The following VWA8 variants were observed in gnomAD, a reference collection of about 807,000 sequenced individuals.
The protein encoded by VWA8 is von Willebrand factor A domain-containing protein 8.
VWA8 carries 221 observed loss-of-function variants against 241.5 expected under a neutral mutation model. That is an observed-to-expected ratio of 0.91 (90% CI 0.82 to 1.02). VWA8 has a LOEUF of 1.02. VWA8 is among the 50% of genes least tolerant of loss of function. The pLI is 0.00. For missense variants in VWA8, 2,322 were observed against 2,328.7 expected (o/e 1.00, Z 0.06); for synonymous variants, 852 against 827.1 (o/e 1.03, Z -0.52).
rs2045233225 is a variant in VWA8 at position 41,699,134 on chromosome 13, AG to A, written c.3500del (p.Pro1167LeufsTer3). The A allele has an allele frequency of 1.4e-5, 22 of 1,614,024 alleles. No individual in the cohort carries two copies. The East Asian group carries it at 4.9e-4, about 36-fold the overall frequency. ...FPRTANGVWH[P>X]FVTVAPLGSP... ...TTCCCAGCGGTGCCACTGTCACAAAAGGGTGCCAAACGCCATTGGCTGTTCT... is the reference window on the plus strand; with the variant it reads ...TTCCCAGCGGTGCCACTGTCACAAAAGGTGCCAAACGCCATTGGCTGTTCT... On this transcript the variant is annotated frameshift_variant, in exon 29 of 45. Transcript: ENST00000379310. LOFTEE classifies it high-confidence loss of function.
chr13:41,951,412 G>A (rs919802507), intron 1 of VWA8, among the ~76,000 whole-genome samples: 4 of 152,130 alleles, frequency 2.6e-5, no homozygotes, highest in South Asian at 2.1e-4. Context: ...GCGACACTCC[G>A]TCTCAAATAA....
At chr13:41,874,183 C>T (rs61963097) in intron 9 of VWA8, among the ~76,000 whole-genome samples, 11 of 145,574 alleles carry the variant, frequency 7.6e-5, no homozygotes, top group African/African-American at 1.3e-4. Flanking sequence ...TGGGACGTAT[C>T]TCAAAATAAT....
chr13:41,571,917 G>C (rs548357698), intron 43 of VWA8, among the ~76,000 whole-genome samples: 5 of 152,004 alleles, frequency 3.3e-5, no homozygotes, highest in African/African-American at 9.7e-5. Flanking sequence ...GTCTCTGCCC[G>C]GCCGCCCATC....
intron 20 of VWA8, among the ~76,000 whole-genome samples, chr13:41,766,101 C>T (rs1479993398): frequency 6.6e-6 from 1 of 152,108 alleles, no homozygotes; most frequent in East Asian, 1.9e-4. Context: ...AGTAAACATG[C>T]TTCTAATTTC....
intron 21 of VWA8, among the ~76,000 whole-genome samples, chr13:41,753,931 A>G (rs928276586): frequency 6.6e-6 from 1 of 152,140 alleles, no homozygotes; most frequent in Non-Finnish European, 1.5e-5. Context: ...TCTTTTAGAC[A>G]TATGTTTCTC....
chr13:41,664,227 T>C (rs1401063590), intron 37 of VWA8, among the ~76,000 whole-genome samples: 1 of 152,142 alleles, frequency 6.6e-6, no homozygotes, highest in African/African-American at 2.4e-5. Flanking sequence ...TTTTCCCTCT[T>C]TGATTTTCTC....
At chr13:41,620,999 G>T (rs1159898443) in intron 37 of VWA8, among the ~76,000 whole-genome samples, 4 of 152,110 alleles carry the variant, frequency 2.6e-5, no homozygotes, top group Non-Finnish European at 5.9e-5. Context: ...GGTGATCAAA[G>T]TAGGGTTTTC....
intron 21 of VWA8, among the ~76,000 whole-genome samples, chr13:41,742,579 A>T (rs1400312207): frequency 6.6e-6 from 1 of 152,136 alleles, no homozygotes; most frequent in East Asian, 1.9e-4. Flanking sequence ...CCTTAAAAAC[A>T]CTCTTGGATT....
chr13:41,671,094 T>C lies in VWA8; in HGVS notation c.4463A>G (p.Asp1488Gly). The C allele has an allele frequency of 1.2e-6, 2 of 1,613,948 alleles. No individual in the cohort carries two copies. The highest frequency in any genetic ancestry group is 8.5e-7 in the Non-Finnish European group (1 of 1,179,858). Residue 1488 changes from aspartate to glycine, a missense_variant, in exon 37 of 45, where the codon GAT becomes GGT. By Grantham distance (94) the Asp-to-Gly change is moderately conservative. Transcript: ENST00000379310. The stretch of plus-strand genomic sequence containing the variant: ...TTTGTCCCACTCAGCCAGCAGTGCA[T>C]CTGTGTCTGAAATGGTCGACAGCCA... ...TTWLSTISDT[D>G]ALLAEWDKSG... is the part of the protein sequence containing the mutation.
intron 1 of VWA8, 50 bp downstream of exon 1, chr13:41,960,803 G>A (rs1244340807): frequency 6.8e-7 from 1 of 1,480,378 alleles, no homozygotes; most frequent in Middle Eastern, 2.4e-4. Flanking sequence ...GCGGGGACCC[G>A]GCACGGAGCG....
chr13:41,941,874 G>C lies in VWA8; in HGVS notation c.241+8062C>G, dbSNP rs1203037304. Among the ~76,000 whole-genome samples, 3 of 152,178 alleles carry C rather than the reference G, an allele frequency of 2.0e-5. No homozygotes were observed. The East Asian group carries it at 5.8e-4, about 29-fold the overall frequency. On this transcript the variant is annotated intron_variant, in intron 2 of 44. Transcript: ENST00000379310. ...TAACCTGCAGAAACTGGCACTGCTA[G>C]AAAGTAGTACAGCCAAAATTTTAAA... is the stretch of plus-strand genomic sequence containing the variant.
intron 37 of VWA8, among the ~76,000 whole-genome samples, chr13:41,631,943 G>C (rs1057238639): frequency 2.0e-5 from 3 of 152,132 alleles, no homozygotes; most frequent in Non-Finnish European, 4.4e-5. Flanking sequence ...ATTAGATTGA[G>C]AGACAGCATG....
chr13:41,784,288 C>T (rs1310175753), intron 18 of VWA8, among the ~76,000 whole-genome samples: 1 of 152,056 alleles, frequency 6.6e-6, no homozygotes, highest in East Asian at 1.9e-4. Context: ...TTTTAGTGTG[C>T]ACCAATTTAG....
At chr13:41,939,071 G>A (rs566562685) in intron 2 of VWA8, among the ~76,000 whole-genome samples, 2 of 152,094 alleles carry the variant, frequency 1.3e-5, no homozygotes, top group South Asian at 4.2e-4. Context: ...AATCTTTGTG[G>A]GCCCTAATTG....
chr13:41,789,960 C>T (rs1869380820), intron 17 of VWA8, among the ~76,000 whole-genome samples: 1 of 152,102 alleles, frequency 6.6e-6, no homozygotes, highest in Non-Finnish European at 1.5e-5. Flanking sequence ...TTCATTGAGA[C>T]ATCCAAAGTA....
In VWA8 at chr13:41,745,987, A is replaced by G. The variant is rs138336178; in HGVS notation, c.2427-13832T>C. Among the ~76,000 whole-genome samples the G allele has an allele frequency of 7.7e-3, 1,180 of 152,368 alleles. 14 individuals carry two copies. Among genetic ancestry groups the G allele is most frequent in the African/African-American group, 0.027 (1,122 of 41,586 alleles). ...GTGAAAAAAAAAGGATTAAAAAGTT[A>G]TAACCTAAATTTATAATAGTGATCG... On this transcript the variant is annotated intron_variant, in intron 21 of 44. Transcript: ENST00000379310.
intron 10 of VWA8, among the ~76,000 whole-genome samples, chr13:41,868,069 CA>C (rs1428212912): frequency 6.6e-6 from 1 of 152,068 alleles, no homozygotes; most frequent in Non-Finnish European, 1.5e-5. Context: ...TATTTCTTAC[CA>C]AGGACTCATA....
chr13:41,657,050 A>T (rs538168901), intron 37 of VWA8, among the ~76,000 whole-genome samples: 12 of 152,172 alleles, frequency 7.9e-5, no homozygotes, highest in Non-Finnish European at 1.6e-4. Flanking sequence ...GGCCACAGTG[A>T]TGGGTTCAGG....
chr13:41,928,385 A>G (rs1348908775), intron 2 of VWA8, among the ~76,000 whole-genome samples: 1 of 152,196 alleles, frequency 6.6e-6, no homozygotes, highest in Non-Finnish European at 1.5e-5. Context: ...GAAAACCAAA[A>G]TCATATCTAG....
Sources: allele counts gnomAD v4.1 joint callset (sites outside exome capture counted in the v4.1 genomes callset), GRCh38; gene constraint gnomAD v4.1.1; transcripts MANE v1.5; gene names NCBI Gene and HGNC (gene_info 2026-07-23, HGNC 2026-07-21).